Variants in ZSCAN32 observed in about 807,000 individuals in gnomAD.
ZSCAN32 encodes the protein zinc finger and SCAN domain-containing protein 32.
In ZSCAN32, 52 loss-of-function variants were observed where a neutral mutation model predicts 47.4. The ratio of observed to expected loss-of-function variants is 1.10; its 90% confidence interval spans 0.88 to 1.38. The LOEUF is 1.38. Among genes scored for constraint, ZSCAN32 ranks in the 40% most tolerant of loss-of-function variants. The probability of loss-of-function intolerance (pLI) is 0.00; values close to 1 mark genes in which losing one functional copy is unlikely to be tolerated. For missense variants in ZSCAN32, 959 were observed against 846.0 expected, an observed-to-expected ratio of 1.13 and a Z score of -1.66; for synonymous variants, 346 against 305.7, an observed-to-expected ratio of 1.13 and a Z score of -1.38.
At chr16:3,388,136 A>T (rs749195708) in intron 5 of ZSCAN32, among the ~76,000 whole-genome samples, 13 of 152,230 alleles carry the variant, frequency 8.5e-5, no homozygotes, top group South Asian at 4.1e-4. Flanking sequence ...TCAAATTGTT[A>T]TAAAAGTTTC....
chr16:3,392,610 G>A (rs1039924792), intron 3 of ZSCAN32, among the ~76,000 whole-genome samples: 7 of 152,192 alleles, frequency 4.6e-5, no homozygotes, highest in Non-Finnish European at 8.8e-5. Flanking sequence ...GGTGGATCAC[G>A]AGGTCAGGAG....
chr16:3,384,096 A>C lies in ZSCAN32; in HGVS notation c.1234+363T>G, dbSNP rs773004852. 6.9e-4 allele frequency: 332 copies of C among 481,084 alleles called. 1 individual carries two copies. The highest frequency in any genetic ancestry group is 2.3e-3 in the Middle Eastern group (5 of 2,168). 29.8% of individuals were successfully genotyped at this position (481,084 alleles called of 1,614,324 possible). A position where few individuals can be genotyped will look rare whatever the true frequency, so the allele number is the denominator to read the frequency against. On this transcript the variant is annotated intron_variant, in intron 6 of 6. Transcript: ENST00000396852. ...GGCTTGGCCAGCTCAAACAGGAAGA[A>C]AGCAAGGTGCTAAGTACCCAGCCAG... is the stretch of plus-strand genomic sequence containing the variant.
Position 3,382,767 on chromosome 16 carries a change from C to T in ZSCAN32, c.*85G>A, listed in dbSNP as rs1199846668. On this transcript the variant is annotated 3_prime_UTR_variant, in exon 7 of 7. Coordinates refer to ENST00000396852, the MANE Select transcript of ZSCAN32 (RefSeq NM_001284527.2). ...GTAGTCAGTAGGTCTGTTGCAAAGT[C>T]AGGGACTGGCTAGATCTCTCCACAG... 18 of 1,501,928 alleles carry T rather than the reference C, an allele frequency of 1.2e-5. No homozygotes were observed. Among genetic ancestry groups the T allele is most frequent in the Non-Finnish European group, 1.5e-5 (17 of 1,125,944 alleles). The allele number at this position is 1,501,928 out of a possible 1,614,324, so 93.0% of individuals were successfully genotyped here. A position where few individuals can be genotyped will look rare whatever the true frequency, so the allele number is the denominator to read the frequency against.
chr16:3,384,441 G>T lies in ZSCAN32; in HGVS notation c.1234+18C>A. On this transcript the variant is annotated intron_variant, in intron 6 of 6. Transcript: ENST00000396852. ...GGACTTTGCCATCCTTTGACCATCA[G>T]AGCCAAGGGAGTCTTACCAAGTCTG... 1 of 1,613,834 alleles carries T rather than the reference G, an allele frequency of 6.2e-7. No homozygotes were observed. Among genetic ancestry groups the T allele is most frequent in the African/African-American group, 1.3e-5 (1 of 75,022 alleles).
chr16:3,387,412 G>A (rs1312165929), intron 5 of ZSCAN32, among the ~76,000 whole-genome samples: 1 of 152,230 alleles, frequency 6.6e-6, no homozygotes, highest in East Asian at 1.9e-4. Flanking sequence ...GAAACTAAAT[G>A]ACAGCAGTTA....
At chr16:3,383,800 A>ATTTCAATTAG in intron 6 of ZSCAN32, 89 bp from the exon 7 acceptor site, 1 of 1,299,762 alleles carries the variant, frequency 7.7e-7, no homozygotes, top group Non-Finnish European at 1.0e-6. Flanking sequence ...ACGTAGAAGA[A>ATTTCAATTAG]ATATCTAATT....
chr16:3,390,676 A>T (rs142340346), intron 3 of ZSCAN32, among the ~76,000 whole-genome samples, 159 bp from the exon 4 acceptor site: 2,127 of 152,218 alleles, frequency 0.014, 57 homozygotes, highest in African/African-American at 0.048. Flanking sequence ...CTGAATCGGA[A>T]ATTCTGGAGG....
chr16:3,400,937 G>C lies in ZSCAN32; in HGVS notation c.-188+8C>G, dbSNP rs62031784. 6.6e-6 allele frequency: 1 copy of C among 152,448 alleles called. No individual in the cohort carries two copies. Among genetic ancestry groups the C allele is most frequent in the Non-Finnish European group, 1.5e-5 (1 of 68,160 alleles). 9.4% of individuals were successfully genotyped at this position (152,448 alleles called of 1,614,324 possible). A position where few individuals can be genotyped will look rare whatever the true frequency, so the allele number is the denominator to read the frequency against. On this transcript the variant is annotated splice_region_variant and intron_variant, in intron 1 of 6. Transcript: ENST00000396852. Reference sequence around the variant, plus strand: ...ATCCCGCCGGCCGCAAGGAAGCGGAGAACTCACCGGACACCAGCACTCGCG... The same window carrying C: ...ATCCCGCCGGCCGCAAGGAAGCGGACAACTCACCGGACACCAGCACTCGCG...
chr16:3,383,911 A>C (rs1270429706), intron 6 of ZSCAN32, 200 bp from the exon 7 acceptor site: 2 of 631,534 alleles, frequency 3.2e-6, no homozygotes, highest in South Asian at 5.2e-5. Context: ...ATTATGCCCT[A>C]AACTCCAACT....
At chr16:3,393,971 G>C (rs763914351) in intron 2 of ZSCAN32, among the ~76,000 whole-genome samples, 157 bp from the exon 3 acceptor site, 9 of 152,226 alleles carry the variant, frequency 5.9e-5, no homozygotes, top group Non-Finnish European at 1.3e-4. Context: ...AAAATTAATA[G>C]AATTAGGTAT....
At chr16:3,384,107 T>C in intron 6 of ZSCAN32, 1 of 501,392 alleles carries the variant, frequency 2.0e-6, no homozygotes, top group Non-Finnish European at 3.5e-6. Context: ...AGCAAGGTGC[T>C]AAGTACCCAG....
chr16:3,384,417 G>A (rs774039001), intron 6 of ZSCAN32, 42 bp downstream of exon 6: 6 of 1,611,060 alleles, frequency 3.7e-6, no homozygotes, highest in Non-Finnish European at 4.2e-6. Context: ...CTCTAAAGTG[G>A]ACTTTGCCAT....
chr16:3,383,094 A>T lies in ZSCAN32; in HGVS notation c.1852T>A (p.Ser618Thr), dbSNP rs757902557. 1.2e-6 allele frequency: 2 copies of T among 1,614,144 alleles called. No homozygotes were observed. The highest frequency in any genetic ancestry group is 1.1e-5 in the South Asian group (1 of 91,082). The change falls in exon 7 of 7, where the codon TCC becomes ACC. Residue 618 changes from serine to threonine, a missense_variant. Coordinates refer to ENST00000396852, the MANE Select transcript of ZSCAN32 (RefSeq NM_001284527.2). ...ATGCGCCGGTGAGCACTGAACTGGG[A>T]ACTGTTGTTGAATCTCTTTCCACAG... ...IVCGKRFNNS[S>T]QFSAHRRIHT... is the part of the protein sequence containing the mutation.
chr16:3,389,981 C>T (rs763758183), intron 5 of ZSCAN32, 29 bp downstream of exon 5: 2 of 1,585,474 alleles, frequency 1.3e-6, no homozygotes, highest in Non-Finnish European at 1.7e-6. Context: ...ACACATCCAC[C>T]TTGACCTGGA....
rs555316035 is a variant in ZSCAN32 at position 3,387,540 on chromosome 16, G to A, written c.751+2470C>T. On this transcript the variant is annotated intron_variant, in intron 5 of 6. Coordinates refer to ENST00000396852, the MANE Select transcript of ZSCAN32 (RefSeq NM_001284527.2). ...CCATCTGGGCCAGTTCATGAGGACCGATTTGACTAGAGCTGTCCCAGCAAG... is the reference window on the plus strand; with the variant it reads ...CCATCTGGGCCAGTTCATGAGGACCAATTTGACTAGAGCTGTCCCAGCAAG... Among the ~76,000 whole-genome samples, 4 of 152,322 alleles carry A rather than the reference G, an allele frequency of 2.6e-5. No homozygotes were observed. In the South Asian group the frequency reaches 6.2e-4, roughly 24 times the overall value.
In ZSCAN32 at chr16:3,393,692, C is replaced by T. The variant is rs1353948445; in HGVS notation, c.489G>A (p.Lys163=). The T allele has an allele frequency of 1.5e-5, 23 of 1,549,938 alleles. No homozygotes were observed. The highest frequency in any genetic ancestry group is 1.9e-5 in the Non-Finnish European group (22 of 1,146,870). ...QEVQPEEPTF[K]GSQSSHQRPG... is the part of the protein sequence containing the mutation. ...GTCTTTGGTGTGAGCTCTGTGATCC[C>T]TTAAAAGTCGGTTCCTCTGGCTGAA... Residue 163 remains lysine (K), a synonymous_variant, in exon 3 of 7, where the codon AAG becomes AAA. Coordinates refer to ENST00000396852, the MANE Select transcript of ZSCAN32 (RefSeq NM_001284527.2).
chr16:3,382,940 CCT>C lies in ZSCAN32; in HGVS notation c.2004_2005del (p.Gly669LeufsTer3). 3 of 1,613,556 alleles carry C rather than the reference CCT, an allele frequency of 1.9e-6. No homozygotes were observed. Among genetic ancestry groups the C allele is most frequent in the South Asian group, 1.1e-5 (1 of 91,042 alleles). On this transcript the variant is annotated frameshift_variant, in exon 7 of 7. Coordinates refer to ENST00000396852, the MANE Select transcript of ZSCAN32 (RefSeq NM_001284527.2). LOFTEE classifies it low-confidence loss of function (END_TRUNC). ...GGTGAGGGCAGAGTTCTTAGTGAAG[CCT>C]CTCTCACAGTGAGAACACCTGTAAG...
chr16:3,383,265 G>A lies in ZSCAN32; in HGVS notation c.1681C>T (p.Arg561Cys), dbSNP rs375098698. 29 of 1,614,028 alleles carry A rather than the reference G, an allele frequency of 1.8e-5. No homozygotes were observed. The highest frequency in any genetic ancestry group is 6.7e-5 in the East Asian group (3 of 44,894). ...CSECGKGFSERSNLTAHLRTH... is the reference protein window; with the variant it reads ...CSECGKGFSECSNLTAHLRTH... ...CGTAGGTGGGCAGTGAGGTTGGAGC[G>A]CTCACTAAAGCCCTTCCCGCACTCA... The change falls in exon 7 of 7, where the codon CGC becomes TGC. Residue 561 changes from arginine to cysteine, a missense_variant. Transcript: ENST00000396852.
intron 6 of ZSCAN32, 99 bp from the exon 7 acceptor site, chr16:3,383,810 T>A: frequency 8.0e-7 from 1 of 1,244,860 alleles, no homozygotes; most frequent in Non-Finnish European, 1.1e-6. Flanking sequence ...AATATCTAAT[T>A]GAAATTCTTC....
Sources: gnomAD v4.1 joint callset for allele counts (sites outside exome capture counted in the v4.1 genomes callset) on GRCh38, gnomAD v4.1.1 for gene constraint, MANE v1.5 for transcripts, NCBI Gene and HGNC (gene_info 2026-07-23, HGNC 2026-07-21) for gene names.